PRKCE: variants seen among roughly 807,000 people sequenced by gnomAD.
The protein encoded by PRKCE is protein kinase C epsilon, also known as protein kinase C epsilon type.
A neutral mutation model predicts 85.4 loss-of-function variants in PRKCE; 16 were observed. That is an observed-to-expected ratio of 0.19 (90% CI 0.13 to 0.28). The LOEUF (loss-of-function observed/expected upper bound fraction) is 0.28, where lower values mean the gene tolerates loss of function less well. PRKCE is among the 10% of genes least tolerant of loss of function. PRKCE has a pLI of 1.00. For synonymous variants in PRKCE, 388 were observed against 371.5 expected (o/e 1.04, Z -0.51); for missense variants, 573 against 975.2 (o/e 0.59, Z 5.49).
At chr2:46,063,764 G>T (rs1223716292) in intron 10 of PRKCE, among the ~76,000 whole-genome samples, 1 of 152,156 alleles carries the variant, frequency 6.6e-6, no homozygotes, top group African/African-American at 2.4e-5. Flanking sequence ...ATCCTTACCA[G>T]CAACTCCTTA....
chr2:45,851,588 T>A (rs1169713465), intron 2 of PRKCE: 3 of 152,248 alleles, frequency 2.0e-5, no homozygotes, highest in Non-Finnish European at 4.4e-5. Context: ...TATTTTGTTT[T>A]TCTTTCCCAT....
chr2:45,898,935 A>C (rs1459397755), intron 2 of PRKCE, among the ~76,000 whole-genome samples: 2 of 152,236 alleles, frequency 1.3e-5, no homozygotes, highest in Non-Finnish European at 2.9e-5. Context: ...GGAATGTCCC[A>C]AAAAGAAAGC....
At chr2:45,894,704 AT>A (rs1695996942) in intron 2 of PRKCE, among the ~76,000 whole-genome samples, 1 of 151,966 alleles carries the variant, frequency 6.6e-6, no homozygotes, top group Admixed American at 6.6e-5. Context: ...GAAGAAAGTT[AT>A]GTGTTTTGCC....
intron 1 of PRKCE, among the ~76,000 whole-genome samples, chr2:45,727,686 G>A (rs749655489): frequency 8.0e-4 from 122 of 152,162 alleles, no homozygotes; most frequent in Non-Finnish European, 1.4e-3. Context: ...ACGGAGTCTC[G>A]CTCTGTCACC....
intron 2 of PRKCE, among the ~76,000 whole-genome samples, chr2:45,903,915 G>GTTTGT (rs1558815186): frequency 7.5e-5 from 7 of 93,654 alleles, no homozygotes; most frequent in South Asian, 4.1e-4. Context: ...TTGTTTGTTT[G>GTTTGT]TTTTTTTTGG....
chr2:45,660,984 A>C (rs1026918010), intron 1 of PRKCE, among the ~76,000 whole-genome samples: 23 of 152,238 alleles, frequency 1.5e-4, no homozygotes, highest in Non-Finnish European at 2.8e-4. Context: ...GAGGAGGAAA[A>C]ACAGAAGCCT....
At chr2:45,832,590 C>T (rs1207909061) in intron 1 of PRKCE, among the ~76,000 whole-genome samples, 1 of 152,058 alleles carries the variant, frequency 6.6e-6, no homozygotes, top group Non-Finnish European at 1.5e-5. Flanking sequence ...GGATTACAGG[C>T]GTGAGCCACC....
At chr2:46,076,246 C>T (rs1355048685) in intron 10 of PRKCE, among the ~76,000 whole-genome samples, 1 of 152,200 alleles carries the variant, frequency 6.6e-6, no homozygotes, top group Admixed American at 6.5e-5. Flanking sequence ...TGGTGGTCAG[C>T]ATTAACGAGA....
intron 1 of PRKCE, among the ~76,000 whole-genome samples, chr2:45,826,604 C>A (rs941098209): frequency 3.9e-5 from 6 of 152,086 alleles, no homozygotes; most frequent in African/African-American, 1.4e-4. Context: ...TTGGACCTTC[C>A]CCCCGAACTT....
intron 1 of PRKCE, among the ~76,000 whole-genome samples, chr2:45,819,572 C>A (rs1220238634): frequency 6.6e-6 from 1 of 152,186 alleles, no homozygotes; most frequent in Non-Finnish European, 1.5e-5. Flanking sequence ...GTTGTTCCTT[C>A]TGGTTTTTCA....
chr2:45,895,412 G>T lies in PRKCE; in HGVS notation c.412+52349G>T, dbSNP rs1696059191. ...CTATACAATGAGGGGAGGCCTAACT[G>T]CCTCTCCGCACCCTGATGTCATCTG... On this transcript the variant is annotated intron_variant, in intron 2 of 14. Coordinates refer to ENST00000306156, the MANE Select transcript of PRKCE (RefSeq NM_005400.3). This position sits in a 1 kb window ranked among gnomAD's most constrained non-coding sequence, Gnocchi z 4.8. Among the ~76,000 whole-genome samples the T allele has an allele frequency of 6.6e-6, 1 of 152,126 alleles. No individual in the cohort carries two copies. Among genetic ancestry groups the T allele is most frequent in the Non-Finnish European group, 1.5e-5 (1 of 68,028 alleles).
At chr2:46,089,795 G>A (rs527483556) in intron 11 of PRKCE, among the ~76,000 whole-genome samples, 1 of 151,976 alleles carries the variant, frequency 6.6e-6, no homozygotes, top group South Asian at 2.1e-4. Flanking sequence ...ACAGGGCCCC[G>A]ATGGCCATGA....
At chr2:46,109,678 C>G (rs942815029) in intron 11 of PRKCE, among the ~76,000 whole-genome samples, 1 of 152,080 alleles carries the variant, frequency 6.6e-6, no homozygotes, top group African/African-American at 2.4e-5. Context: ...CCTTCCTAAT[C>G]TGCACACCTT....
intron 1 of PRKCE, among the ~76,000 whole-genome samples, chr2:45,777,178 T>C (rs1256155986): frequency 1.3e-5 from 2 of 152,180 alleles, no homozygotes; most frequent in African/African-American, 4.8e-5. Context: ...CATGAAATAG[T>C]GGGATCTAAC....
intron 11 of PRKCE, among the ~76,000 whole-genome samples, chr2:46,128,647 C>T (rs1459292253): frequency 2.0e-5 from 3 of 152,224 alleles, no homozygotes; most frequent in African/African-American, 4.8e-5. Context: ...TTTTGGTAAA[C>T]GTTCCCTAAT....
At chr2:45,982,251 G>T (rs1702950677) in intron 5 of PRKCE, among the ~76,000 whole-genome samples, 1 of 145,746 alleles carries the variant, frequency 6.9e-6, no homozygotes, top group African/African-American at 2.6e-5. Context: ...GAACTGCTGG[G>T]GACCAAACTT....
chr2:45,951,395 A>C (rs1558876620), intron 2 of PRKCE, among the ~76,000 whole-genome samples: 2 of 152,116 alleles, frequency 1.3e-5, no homozygotes, highest in Non-Finnish European at 1.5e-5. Context: ...CTGTCTTGCA[A>C]GTCTTTGGGC....
intron 10 of PRKCE, among the ~76,000 whole-genome samples, chr2:46,056,037 T>C (rs1217130580): frequency 6.6e-6 from 1 of 152,174 alleles, no homozygotes; most frequent in Admixed American, 6.5e-5. Context: ...TTTTCTGGGT[T>C]TGAATCCTGG....
At chr2:45,964,746 A>G (rs1701620030) in intron 2 of PRKCE, among the ~76,000 whole-genome samples, 2 of 152,314 alleles carry the variant, frequency 1.3e-5, no homozygotes, top group South Asian at 2.1e-4. Flanking sequence ...ATCAGAAACC[A>G]TGGGGCAGTG....
Sources: allele counts gnomAD v4.1 joint callset (sites outside exome capture counted in the v4.1 genomes callset), GRCh38; gene constraint gnomAD v4.1.1; non-coding constraint Gnocchi (gnomAD v3.1); transcripts MANE v1.5; gene names NCBI Gene and HGNC (gene_info 2026-07-23, HGNC 2026-07-21).